Variants in TEKT3 observed in about 807,000 individuals in gnomAD.
TEKT3 encodes the protein tektin-3.
A neutral mutation model predicts 49.8 loss-of-function variants in TEKT3; 49 were observed. The ratio of observed to expected loss-of-function variants is 0.98; its 90% confidence interval spans 0.78 to 1.25. The LOEUF is 1.25. TEKT3 is among the 50% of genes most tolerant of loss of function. TEKT3 has a pLI of 0.00. For synonymous variants in TEKT3, 225 were observed against 237.2 expected (o/e 0.95, Z 0.47); for missense variants, 595 against 629.5 (o/e 0.95, Z 0.59).
chr17:15,317,958 C>A (rs948749741), intron 5 of TEKT3, among the ~76,000 whole-genome samples: 1 of 148,792 alleles, frequency 6.7e-6, no homozygotes, highest in African/African-American at 2.5e-5. Context: ...AGGGTGTAAT[C>A]ATTGCAGAGG....
At chr17:15,326,323 T>C (rs1165478165) in intron 4 of TEKT3, among the ~76,000 whole-genome samples, 6 of 152,176 alleles carry the variant, frequency 3.9e-5, no homozygotes, top group Non-Finnish European at 8.8e-5. Context: ...ATGGATTCAC[T>C]GCAGCAGAAA....
chr17:15,330,900 G>T, intron 3 of TEKT3, 107 bp downstream of exon 3: 1 of 1,153,728 alleles, frequency 8.7e-7, no homozygotes, highest in Non-Finnish European at 1.2e-6. Flanking sequence ...TAGGGGGTTG[G>T]CTTCAACAGA....
At chr17:15,321,987 T>C (rs1460452844) in intron 4 of TEKT3, among the ~76,000 whole-genome samples, 1 of 152,144 alleles carries the variant, frequency 6.6e-6, no homozygotes, top group Non-Finnish European at 1.5e-5. Flanking sequence ...AAATCCCTTC[T>C]TGTGCACACT....
chr17:15,318,652 C>T (rs1009814018), intron 5 of TEKT3, among the ~76,000 whole-genome samples: 1 of 152,058 alleles, frequency 6.6e-6, no homozygotes, highest in African/African-American at 2.4e-5. Context: ...ATCCTCACAC[C>T]TCAACCTCCT....
intron 5 of TEKT3, 151 bp downstream of exon 5, chr17:15,318,926 G>A (rs527610582): frequency 1.0e-4 from 56 of 561,852 alleles, no homozygotes; most frequent in African/African-American, 9.7e-4. Context: ...AGTAGCTGGG[G>A]TATCAAGTAA....
chr17:15,336,979 G>A (rs1047191144), intron 2 of TEKT3, among the ~76,000 whole-genome samples: 8 of 151,990 alleles, frequency 5.3e-5, no homozygotes, highest in African/African-American at 1.9e-4. Context: ...ATGAGGATGA[G>A]AGCCCAGCTA....
In TEKT3 at chr17:15,328,053, T is replaced by C. The variant is rs1157954179; in HGVS notation, c.602A>G (p.His201Arg). 5 of 1,613,962 alleles carry C rather than the reference T, an allele frequency of 3.1e-6. No homozygotes were observed. The change falls in exon 4 of 9, where the codon CAT becomes CGT. Residue 201 changes from histidine (H) to arginine (R), a missense_variant. Physicochemically the swap from His to Arg is conservative, Grantham distance 29 (BLOSUM62 0). Coordinates refer to ENST00000395930, the MANE Select transcript of TEKT3 (RefSeq NM_031898.3). ...GTCGATTCCCATTCTCTTTTCTCGA[T>C]GAAATAGACATTCTCGGGCTACCTA... is the stretch of plus-strand genomic sequence containing the variant. ...PLQVARECLF[H>R]REKRMGIDLV... is the part of the protein sequence containing the mutation.
chr17:15,319,094 C>G lies in TEKT3; in HGVS notation c.717G>C (p.Lys239Asn), dbSNP rs758735582. Reference sequence around the variant, plus strand: ...GCTCTTACGCAAGTTGGGCAATAGCCTTATCCAAATGTAGCTTCATTCTTT... The same window carrying G: ...GCTCTTACGCAAGTTGGGCAATAGCGTTATCCAAATGTAGCTTCATTCTTT... ...CQERMKLHLD[K>N]AIAQLAANRA... Residue 239 changes from lysine to asparagine, a missense_variant, in exon 5 of 9, where the codon AAG becomes AAC. Coordinates refer to ENST00000395930, the MANE Select transcript of TEKT3 (RefSeq NM_031898.3). 2 of 1,612,078 alleles carry G rather than the reference C, an allele frequency of 1.2e-6. No homozygotes were observed. The highest frequency in any genetic ancestry group is 2.7e-5 in the African/African-American group (2 of 74,948).
chr17:15,307,240 G>C (rs1000314703), intron 8 of TEKT3, among the ~76,000 whole-genome samples: 3 of 152,228 alleles, frequency 2.0e-5, no homozygotes, highest in Non-Finnish European at 4.4e-5. Flanking sequence ...CTTCTCAAAT[G>C]AGATCAGGTA....
At position 15,308,828 on chromosome 17, in the gene TEKT3, A is replaced by G. The variant is rs200785324; in HGVS notation, c.1102-10T>C. On this transcript the variant is annotated splice_polypyrimidine_tract_variant and intron_variant, in intron 7 of 8. Coordinates refer to ENST00000395930, the MANE Select transcript of TEKT3 (RefSeq NM_031898.3). ...AAATCTCCTGCAGGGTCTGTGACAA[A>G]GAGAAGCAACTGCCTGAGGCTTTGG... The G allele has an allele frequency of 1.6e-4, 260 of 1,611,292 alleles. No homozygotes were observed. The African/African-American group carries it at 3.2e-3, about 20-fold the overall frequency.
chr17:15,330,635 G>A lies in TEKT3; in HGVS notation c.579+372C>T, dbSNP rs79792300. ...CTTCCTGTACAGCCTGTAGAACCAG[G>A]CGCCAATTAAACCTCTTTTCTTTAT... On this transcript the variant is annotated intron_variant, in intron 3 of 8. Transcript: ENST00000395930. 1.8e-3 allele frequency among the ~76,000 whole-genome samples: 276 copies of A among 152,238 alleles called. 7 individuals carry two copies. The East Asian group carries it at 0.045, about 25-fold the overall frequency.
Position 15,331,401 on chromosome 17 carries a change from GA to G in TEKT3, c.184del (p.Ser62ProfsTer43), listed in dbSNP as rs145252713. The G allele has an allele frequency of 6.2e-7, 1 of 1,614,134 alleles. No individual in the cohort carries two copies. The highest frequency in any genetic ancestry group is 2.2e-5 in the East Asian group (1 of 44,868). On this transcript the variant is annotated frameshift_variant, in exon 3 of 9. Coordinates refer to ENST00000395930, the MANE Select transcript of TEKT3 (RefSeq NM_031898.3). LOFTEE classifies it high-confidence loss of function. The stretch of plus-strand genomic sequence containing the variant: ...GGTGCAGTACGGGGCCACGCTTGGG[GA>G]ATTGGAGGCGACTTTGTAGTATGTG... ...PSTYYKVASN[S>X]PSVAPYCTRS...
chr17:15,332,746 T>C (rs1567584089), intron 2 of TEKT3, among the ~76,000 whole-genome samples: 1 of 152,128 alleles, frequency 6.6e-6, no homozygotes, highest in Non-Finnish European at 1.5e-5. Flanking sequence ...ACATAGAAAG[T>C]GTGCAATAGA....
rs192355431 is a variant in TEKT3 at position 15,339,039 on chromosome 17, C to T, written c.-30+989G>A. On this transcript the variant is annotated intron_variant, in intron 2 of 8. Transcript: ENST00000395930. ...AAGTTGAAATTTAATTACCATTGTG[C>T]AGTATTAAGAGGTGAGACTTTTAAG... 1.8e-3 allele frequency among the ~76,000 whole-genome samples: 278 copies of T among 152,100 alleles called. 5 individuals are homozygous for T. The highest frequency in any genetic ancestry group is 0.017 in the Admixed American group (260 of 15,278).
intron 4 of TEKT3, among the ~76,000 whole-genome samples, chr17:15,322,231 C>T (rs1911299573): frequency 1.3e-5 from 2 of 152,136 alleles, no homozygotes; most frequent in Admixed American, 6.5e-5. Flanking sequence ...ACATTTTTTA[C>T]AAAATTAAAA....
At chr17:15,339,295 A>G (rs1368317082) in intron 2 of TEKT3, among the ~76,000 whole-genome samples, 1 of 152,204 alleles carries the variant, frequency 6.6e-6, no homozygotes, top group Non-Finnish European at 1.5e-5. Context: ...TGTGAGCCCA[A>G]TAAATCTCCG....
chr17:15,339,872 T>A (rs1912148923), intron 2 of TEKT3, among the ~76,000 whole-genome samples, 156 bp downstream of exon 2: 1 of 152,182 alleles, frequency 6.6e-6, no homozygotes, highest in Non-Finnish European at 1.5e-5. Flanking sequence ...AATGTTTAAT[T>A]TCTCTTTATG....
At chr17:15,319,438 C>G (rs1911159466) in intron 4 of TEKT3, among the ~76,000 whole-genome samples, 2 of 149,824 alleles carry the variant, frequency 1.3e-5, no homozygotes, top group Admixed American at 1.3e-4. Flanking sequence ...TATCCCTGTC[C>G]TTAATTAAAA....
At chr17:15,323,870 A>T (rs747881552) in intron 4 of TEKT3, among the ~76,000 whole-genome samples, 1 of 152,190 alleles carries the variant, frequency 6.6e-6, no homozygotes, top group Non-Finnish European at 1.5e-5. Flanking sequence ...CCCCCCTGCT[A>T]CTGACCTAGA....
Sources: gnomAD v4.1 joint callset for allele counts (sites outside exome capture counted in the v4.1 genomes callset) on GRCh38, gnomAD v4.1.1 for gene constraint, MANE v1.5 for transcripts, NCBI Gene and HGNC (gene_info 2026-07-23, HGNC 2026-07-21) for gene names.